The following TSC2 variants were observed in gnomAD, a reference collection of about 807,000 sequenced individuals.
TSC2 encodes the protein tuberin.
Under a neutral mutation model 202.2 loss-of-function variants are expected in TSC2, and 29 were observed. The ratio of observed to expected loss-of-function variants is 0.14; its 90% CI spans 0.11 to 0.20. The LOEUF (loss-of-function observed/expected upper bound fraction) is 0.20, where lower values mean the gene tolerates loss of function less well. Among genes scored for constraint, TSC2 ranks in the 10% least tolerant of loss-of-function variants. TSC2 has a pLI of 1.00. For missense variants in TSC2, 2,429 were observed against 2,420.0 expected, an observed-to-expected ratio of 1.00 and a Z score of -0.08; for synonymous variants, 1,349 against 1,044.0, an observed-to-expected ratio of 1.29 and a Z score of -5.63.
intron 16 of TSC2, chr16:2,068,759 G>C (rs1163049238): frequency 1.3e-5 from 2 of 150,928 alleles, no homozygotes; most frequent in Admixed American, 1.3e-4. Flanking sequence ...TGTAATCCCA[G>C]CTACTCGGGA....
chr16:2,088,498 C>G lies in TSC2; in HGVS notation c.5312C>G (p.Pro1771Arg). Reference sequence around the variant, plus strand: ...CCCAGCCTACCTCTGGTGCACCCTCCGTCCCATAGCAAAGCCCCTGCACAG... The same window carrying G: ...CCCAGCCTACCTCTGGTGCACCCTCGGTCCCATAGCAAAGCCCCTGCACAG... Reference protein sequence around the residue: ...SNPSLPLVHPPSHSKAPAQTP... With the variant: ...SNPSLPLVHPRSHSKAPAQTP... The change falls in exon 42 of 42, where the codon CCG becomes CGG. Residue 1771 changes from proline (P) to arginine (R), a missense_variant. Pro to Arg is a moderately radical substitution (Grantham distance 103, BLOSUM62 -2). Coordinates refer to ENST00000219476, the MANE Select transcript of TSC2 (RefSeq NM_000548.5). The G allele has an allele frequency of 3.7e-6, 6 of 1,612,874 alleles. No homozygotes were observed. Among genetic ancestry groups the G allele is most frequent in the Non-Finnish European group, 4.2e-6 (5 of 1,180,026 alleles).
intron 6 of TSC2, chr16:2,055,814 C>T (rs1446976273): frequency 8.6e-6 from 4 of 462,778 alleles, no homozygotes; most frequent in Non-Finnish European, 1.2e-5. Context: ...TTGCTTGAAA[C>T]CGGAAGGCAG....
In TSC2 at chr16:2,071,615, A is replaced by G. The variant is rs762331610; in HGVS notation, c.1945A>G (p.Met649Val). ...RFSPYCVCDY[M>V]EPERGSEKKT... The stretch of plus-strand genomic sequence containing the variant: ...CAGCCCCTACTGCGTCTGCGACTAC[A>G]TGTACGCGGGACCTCGCCCACGGCC... Residue 649 changes from methionine to valine, a missense_variant and splice_region_variant, in exon 18 of 42, where the codon ATG becomes GTG. By Grantham distance (21) the Met-to-Val change is conservative. Coordinates refer to ENST00000219476, the MANE Select transcript of TSC2 (RefSeq NM_000548.5). 1.4e-5 allele frequency: 23 copies of G among 1,613,208 alleles called. No individual in the cohort carries two copies. The South Asian group carries it at 1.4e-4, about 10-fold the overall frequency.
intron 22 of TSC2, chr16:2,074,776 A>G (rs1292704223): frequency 1.2e-5 from 4 of 346,616 alleles, no homozygotes; most frequent in Admixed American, 4.0e-5. Flanking sequence ...GCCTGTGCGC[A>G]TCTGGGCAGG....
chr16:2,049,327 C>G (rs961049206), intron 2 of TSC2, among the ~76,000 whole-genome samples: 2 of 149,732 alleles, frequency 1.3e-5, no homozygotes, highest in African/African-American at 5.1e-5. Flanking sequence ...CTCAGGTGAT[C>G]TGCCCGCTTT....
chr16:2,056,687 T>C lies in TSC2; in HGVS notation c.692T>C (p.Leu231Pro), dbSNP rs2151078938. 2 of 1,612,524 alleles carry C rather than the reference T, an allele frequency of 1.2e-6. No homozygotes were observed. The highest frequency in any genetic ancestry group is 1.7e-6 in the Non-Finnish European group (2 of 1,180,010). ...VLDAVVCYNC[L>P]PAESLPLFIV... Reference sequence around the variant, plus strand: ...GACGCCGTGGTCTGCTACAACTGCCTGCCGGCTGAGAGCCTCCCGCTGTTC... The same window carrying C: ...GACGCCGTGGTCTGCTACAACTGCCCGCCGGCTGAGAGCCTCCCGCTGTTC... The change falls in exon 8 of 42, where the codon CTG becomes CCG. Residue 231 changes from leucine to proline, a missense_variant. By Grantham distance (98) the Leu-to-Pro change is moderately conservative. Coordinates refer to ENST00000219476, the MANE Select transcript of TSC2 (RefSeq NM_000548.5).
intron 25 of TSC2, 122 bp downstream of exon 25, chr16:2,076,707 G>A: frequency 9.7e-7 from 1 of 1,031,396 alleles, no homozygotes; most frequent in Non-Finnish European, 1.4e-6. Flanking sequence ...CCTGGAGTAT[G>A]TGAGGCAGGG....
Position 2,055,443 on chromosome 16 carries a change from G to A in TSC2, c.523G>A (p.Glu175Lys), listed in dbSNP as rs1555498151. 2 of 1,614,216 alleles carry A rather than the reference G, an allele frequency of 1.2e-6. No homozygotes were observed. The highest frequency in any genetic ancestry group is 1.7e-6 in the Non-Finnish European group (2 of 1,180,050). Residue 175 changes from glutamate (E) to lysine (K), a missense_variant, in exon 6 of 42, where the codon GAA (glutamate) becomes AAA (lysine). Physicochemically the swap from Glu to Lys is moderately conservative, Grantham distance 56. Coordinates refer to ENST00000219476, the MANE Select transcript of TSC2 (RefSeq NM_000548.5). ...LQWMDVGLSS[E>K]FLLVLVNLVK... ...GTGGATGGATGTTGGCTTGTCCTCGGAATTCCTTCTGGTGCTGGTGAACTT... is the reference window on the plus strand; with the variant it reads ...GTGGATGGATGTTGGCTTGTCCTCGAAATTCCTTCTGGTGCTGGTGAACTT...
At chr16:2,056,941 G>A in intron 8 of TSC2, 164 bp from the exon 9 acceptor site, 2 of 1,380,800 alleles carry the variant, frequency 1.4e-6, no homozygotes, top group Non-Finnish European at 2.0e-6. Flanking sequence ...GGGTTTTGGT[G>A]GCATTTTGAG....
chr16:2,062,449 G>A lies in TSC2; in HGVS notation c.1258-48G>A, dbSNP rs763281360. On this transcript the variant is annotated intron_variant, in intron 12 of 41. Transcript: ENST00000219476. ...CGACCAGCAGCCCAGTGTGGAGAAG[G>A]AGAGCGCCGGAGGGGCAGAGGGGCA... The A allele has an allele frequency of 1.0e-5, 16 of 1,536,232 alleles. No individual in the cohort carries two copies. In the South Asian group the frequency reaches 1.8e-4, roughly 17 times the overall value.
Position 2,053,469 on chromosome 16 carries a change from C to T in TSC2, c.336+17C>T, listed in dbSNP as rs754295761. ...CAGGGGCAGGTAAGGCCCAGGGCGA[C>T]GCTGGGATGGGTGACGTCAGGCTGC... is the stretch of plus-strand genomic sequence containing the variant. On this transcript the variant is annotated intron_variant, in intron 4 of 41. Coordinates refer to ENST00000219476, the MANE Select transcript of TSC2 (RefSeq NM_000548.5). The T allele has an allele frequency of 5.8e-6, 9 of 1,553,116 alleles. No homozygotes were observed. Among genetic ancestry groups the T allele is most frequent in the East Asian group, 4.8e-5 (2 of 41,364 alleles).
rs2091256706 is a variant in TSC2 at position 2,088,802 on chromosome 16, G to A, written c.*192G>A. ...AGAAGCGGCCATGCCCACAGAAGTG[G>A]TACACAGAAGCAGGCACAGCCAGCT... On this transcript the variant is annotated 3_prime_UTR_variant, in exon 42 of 42. Transcript: ENST00000219476. 4 of 758,518 alleles carry A rather than the reference G, an allele frequency of 5.3e-6. No individual in the cohort carries two copies. The allele number at this position is 758,518 out of a possible 1,614,324, so 47.0% of individuals were successfully genotyped here. A position where few individuals can be genotyped will look rare whatever the true frequency, so the allele number is the denominator to read the frequency against.
chr16:2,073,039 G>T (rs1596351150), intron 21 of TSC2, 56 bp downstream of exon 21: 1 of 1,610,600 alleles, frequency 6.2e-7, no homozygotes, highest in East Asian at 2.2e-5. Flanking sequence ...TCGAGGGCCT[G>T]GCCCAGGTAG....
rs775990159 is a variant in TSC2, at chr16:2,083,755, C to T, written c.3944C>T (p.Pro1315Leu). 3.7e-6 allele frequency: 6 copies of T among 1,609,356 alleles called. No individual in the cohort carries two copies. Among genetic ancestry groups the T allele is most frequent in the African/African-American group, 1.3e-5 (1 of 75,038 alleles). Residue 1315 changes from proline to leucine, a missense_variant, in exon 33 of 42, where the codon CCA becomes CTA. Transcript: ENST00000219476. ...PGEVPVLVEPPGLEDVEAALG... is the reference protein window; with the variant it reads ...PGEVPVLVEPLGLEDVEAALG... ...GAGGTTCCTGTGCTGGTGGAGCCCC[C>T]AGGGTTGGAGGACGTTGAGGCAGCG...
chr16:2,082,793 C>T, intron 32 of TSC2: 2 of 545,336 alleles, frequency 3.7e-6, no homozygotes, highest in East Asian at 3.2e-5. Context: ...ATGGTGACAT[C>T]AGCTGAGCTG....
rs2151104623 is a variant in TSC2 at position 2,058,728 on chromosome 16, C to T, written c.849-19C>T. On this transcript the variant is annotated intron_variant, in intron 9 of 41. Coordinates refer to ENST00000219476, the MANE Select transcript of TSC2 (RefSeq NM_000548.5). ...ACAGGGCCCTGCTCACATTCCGTCTCTCTGGGGAACACTTTTAGAGCCTAC... is the reference window on the plus strand; with the variant it reads ...ACAGGGCCCTGCTCACATTCCGTCTTTCTGGGGAACACTTTTAGAGCCTAC... The T allele has an allele frequency of 6.4e-7, 1 of 1,570,956 alleles. No homozygotes were observed. The highest frequency in any genetic ancestry group is 8.6e-7 in the Non-Finnish European group (1 of 1,158,232).
rs1555440048 is a variant in TSC2 at position 2,088,065 on chromosome 16, G to C, written c.5086G>C (p.Asp1696His). The C allele has an allele frequency of 6.2e-7, 1 of 1,612,784 alleles. No homozygotes were observed. The highest frequency in any genetic ancestry group is 1.1e-5 in the South Asian group (1 of 91,086). Reference protein sequence around the residue: ...QCRKDMEGLVDTSVAKIVSDR... With the variant: ...QCRKDMEGLVHTSVAKIVSDR... ...CTCCCCAGACATGGAGGGCCTTGTG[G>C]ACACCAGCGTGGCCAAGATCGTGTC... is the stretch of plus-strand genomic sequence containing the variant. The change falls in exon 40 of 42, where the codon GAC (aspartate) becomes CAC (histidine). Residue 1696 changes from aspartate (D) to histidine (H), a missense_variant. Asp to His is a moderately conservative substitution (Grantham distance 81). Coordinates refer to ENST00000219476, the MANE Select transcript of TSC2 (RefSeq NM_000548.5).
rs114236708 is a variant in TSC2, at chr16:2,063,309, G to A, written c.1443+256G>A. On this transcript the variant is annotated intron_variant, in intron 14 of 41. Coordinates refer to ENST00000219476, the MANE Select transcript of TSC2 (RefSeq NM_000548.5). The stretch of plus-strand genomic sequence containing the variant: ...TGCCTGCCCTCAGGGAGCTCCGGCC[G>A]GTTTTCACCCAACACAGGAGCCTCT... 4,413 of 593,820 alleles carry A rather than the reference G, an allele frequency of 7.4e-3. 158 individuals are homozygous for A. Among genetic ancestry groups the A allele is most frequent in the African/African-American group, 0.07 (3,791 of 53,774 alleles). 36.8% of individuals were successfully genotyped at this position (593,820 alleles called of 1,614,324 possible).
At chr16:2,076,296 C>T in intron 24 of TSC2, 126 bp downstream of exon 24, 2 of 1,562,664 alleles carry the variant, frequency 1.3e-6, no homozygotes, top group Non-Finnish European at 1.7e-6. Flanking sequence ...GGGGCTGTGC[C>T]TGTGGCGCTG....
Sources: gnomAD v4.1 joint callset for allele counts (sites outside exome capture counted in the v4.1 genomes callset) on GRCh38, gnomAD v4.1.1 for gene constraint, MANE v1.5 for transcripts, NCBI Gene and HGNC (gene_info 2026-07-23, HGNC 2026-07-21) for gene names.